The following TTN variants were observed in gnomAD, a reference collection of about 807,000 sequenced individuals.
TTN encodes the protein connectin.
Under a neutral mutation model 3,223.0 loss-of-function variants are expected in TTN, and 1,525 were observed. The observed-to-expected ratio is 0.47, with a 90% confidence interval of 0.45 to 0.49. The LOEUF (loss-of-function observed/expected upper bound fraction) is 0.49, where lower values mean the gene tolerates loss of function less well. TTN is among the 20% of genes least tolerant of loss of function. The pLI, the probability that TTN is intolerant of heterozygous loss-of-function variation, is 0.00. For synonymous variants in TTN, 14,094 were observed against 15,161.0 expected, an observed-to-expected ratio of 0.93 and a Z score of 5.17; for missense variants, 40,786 against 43,424.0, an observed-to-expected ratio of 0.94 and a Z score of 5.40.
Position 178,636,959 on chromosome 2 carries a change from T to C in TTN, c.40928-160A>G, listed in dbSNP as rs897996414. 6.6e-6 allele frequency among the ~76,000 whole-genome samples: 1 copy of C among 151,638 alleles called. No homozygotes were observed. The highest frequency in any genetic ancestry group is 1.5e-5 in the Non-Finnish European group (1 of 67,872). ...GGCCAATTGAGTTTATACTGCCTTGTTTCAGGCAGGAAAATGAGATGGTAT... is the reference window on the plus strand; with the variant it reads ...GGCCAATTGAGTTTATACTGCCTTGCTTCAGGCAGGAAAATGAGATGGTAT... On this transcript the variant is annotated intron_variant, in intron 224 of 362. Transcript: ENST00000589042. This position sits in a 1 kb window ranked among gnomAD's most constrained non-coding sequence, Gnocchi z 4.3.
chr2:178,556,991 G>A lies in TTN; in HGVS notation c.88163C>T (p.Thr29388Ile), dbSNP rs775200192. The A allele has an allele frequency of 1.9e-6, 3 of 1,613,674 alleles. No individual in the cohort carries two copies. In the African/African-American group the frequency reaches 4.0e-5, roughly 22 times the overall value. ...PDGRWTKASFTNVTETQFIIS... is the reference protein window; with the variant it reads ...PDGRWTKASFINVTETQFIIS... ...GATGAATTGAGTTTCAGTAACATTG[G>A]TGAAGCTGGCCTTGGTCCATCTGCC... The change falls in exon 330 of 363, where the codon ACC (threonine) becomes ATC (isoleucine). Residue 29388 changes from threonine to isoleucine, a missense_variant. Thr to Ile is a moderately conservative substitution (Grantham distance 89). Transcript: ENST00000589042.
In TTN at chr2:178,552,086, A is replaced by T. The variant is rs777716014; in HGVS notation, c.90814T>A (p.Trp30272Arg). Reference protein sequence around the residue: ...IEKRETSQTNWKMVCSSVART... With the variant: ...IEKRETSQTNRKMVCSSVART... ...GCAACACTTGAACACACCATCTTCC[A>T]GTTAGTTTGTGAAGTTTCCCGCTTC... Residue 30272 changes from tryptophan (W) to arginine (R), a missense_variant, in exon 335 of 363, where the codon TGG (tryptophan) becomes AGG (arginine). Physicochemically the swap from Trp to Arg is moderately radical, Grantham distance 101. Coordinates refer to ENST00000589042, the MANE Select transcript of TTN (RefSeq NM_001267550.2). 2 of 1,613,728 alleles carry T rather than the reference A, an allele frequency of 1.2e-6. No homozygotes were observed.
Position 178,604,157 on chromosome 2 carries a change from G to A in TTN, c.54530C>T (p.Ala18177Val). 1 of 1,612,212 alleles carries A rather than the reference G, an allele frequency of 6.2e-7. No individual in the cohort carries two copies. The highest frequency in any genetic ancestry group is 8.5e-7 in the Non-Finnish European group (1 of 1,178,904). ...CACTAGCATTGATCCTTTGGTGCGT[G>A]CCAAAACTTTTGGTTTTCCTGGAGG... is the stretch of plus-strand genomic sequence containing the variant. ...PGPPGKPKVLARTKGSMLVSW... is the reference protein window; with the variant it reads ...PGPPGKPKVLVRTKGSMLVSW... The change falls in exon 282 of 363, where the codon GCA becomes GTA. Residue 18177 changes from alanine (A) to valine (V), a missense_variant. Transcript: ENST00000589042.
rs766178095 is a variant in TTN, at chr2:178,583,150, C to G, written c.65653G>C (p.Ala21885Pro). ...VKAGTNVCLD[A>P]TVFGKPMPTV... is the part of the protein sequence containing the mutation. ...GGCATCGGTTTACCAAAAACAGTAG[C>G]ATCCAAGCAGACATTAGTTCCAGCT... The change falls in exon 313 of 363, where the codon GCT (alanine) becomes CCT (proline). Residue 21885 changes from alanine to proline, a missense_variant. Physicochemically the swap from Ala to Pro is conservative, Grantham distance 27. Transcript: ENST00000589042. 1.2e-6 allele frequency: 2 copies of G among 1,612,326 alleles called. No homozygotes were observed. The highest frequency in any genetic ancestry group is 2.7e-5 in the African/African-American group (2 of 74,850).
intron 111 of TTN, 81 bp downstream of exon 111, chr2:178,701,039 A>G: frequency 7.6e-7 from 1 of 1,321,106 alleles, no homozygotes; most frequent in Non-Finnish European, 1.1e-6. Context: ...CTAGAGGGCC[A>G]ATGCGTTGTA....
rs1362778188 is a variant in TTN, at chr2:178,532,819, C to T, written c.103796G>A (p.Arg34599Lys). Residue 34599 changes from arginine to lysine, a missense_variant, in exon 358 of 363, where the codon AGA becomes AAA. By Grantham distance (26) the Arg-to-Lys change is conservative. Coordinates refer to ENST00000589042, the MANE Select transcript of TTN (RefSeq NM_001267550.2). ...AGGCATCACATAGAACTGTTCCCAT[C>T]TTGAAAGGCGGATGCGCTTGGGTCG... The part of the protein sequence containing the change: ...QKRPKRIRLS[R>K]WEQFYVMPLP... The T allele has an allele frequency of 6.2e-7, 1 of 1,613,958 alleles. No individual in the cohort carries two copies. The highest frequency in any genetic ancestry group is 1.7e-5 in the Admixed American group (1 of 60,008).
chr2:178,728,395 G>C lies in TTN; in HGVS notation c.19429C>G (p.Gln6477Glu), dbSNP rs368695139. ...SCDAYLRVLDQNIPPSFTKKL... is the reference protein window; with the variant it reads ...SCDAYLRVLDENIPPSFTKKL... ...TTGGTGAATGATGGAGGAATATTTT[G>C]ATCTGTCCAATGCAAACAGCAAAAC... is the stretch of plus-strand genomic sequence containing the variant. The change falls in exon 67 of 363, where the codon CAA becomes GAA. Residue 6477 changes from glutamine to glutamate, a missense_variant and splice_region_variant. Physicochemically the swap from Gln to Glu is conservative, Grantham distance 29. Transcript: ENST00000589042. 8 of 1,597,972 alleles carry C rather than the reference G, an allele frequency of 5.0e-6. No homozygotes were observed. In the African/African-American group the frequency reaches 6.7e-5, roughly 13 times the overall value.
rs776538231 is a variant in TTN at position 178,574,132 on chromosome 2, G to A, written c.72000C>T (p.Ile24000=). The stretch of plus-strand genomic sequence containing the variant: ...TGATGGCACCTGCAGCATTTTTGGC[G>A]ATCACACGGAATTCATATGCAGCAT... ...TEDAAYEFRV[I]AKNAAGAISP... is the part of the protein sequence containing the mutation. The change falls in exon 326 of 363, where the codon ATC becomes ATT. Residue 24000 remains isoleucine, a synonymous_variant. Transcript: ENST00000589042. 27 of 1,613,416 alleles carry A rather than the reference G, an allele frequency of 1.7e-5. No individual in the cohort carries two copies. Among genetic ancestry groups the A allele is most frequent in the Non-Finnish European group, 2.0e-5 (24 of 1,179,632 alleles).
At chr2:178,765,144 C>T (rs1304902673) in intron 41 of TTN, among the ~76,000 whole-genome samples, 1 of 152,158 alleles carries the variant, frequency 6.6e-6, no homozygotes, top group Admixed American at 6.5e-5. Flanking sequence ...TATACAATAA[C>T]TTCCGTGTGC....
intron 47 of TTN, chr2:178,748,327 A>G (rs746551278): frequency 7.4e-6 from 12 of 1,612,838 alleles, no homozygotes; most frequent in South Asian, 6.6e-5. Context: ...CATCAATACT[A>G]CTTTTCTCCA....
chr2:178,767,962 G>A (rs373003020), intron 39 of TTN, 38 bp from the exon 40 acceptor site: 2 of 1,613,940 alleles, frequency 1.2e-6, no homozygotes, highest in African/African-American at 2.7e-5. Flanking sequence ...ACCGTATGGT[G>A]ATTCAGAGGA....
chr2:178,534,787 T>C lies in TTN; in HGVS notation c.101828A>G (p.Glu33943Gly). Residue 33943 changes from glutamate (E) to glycine (G), a missense_variant, in exon 358 of 363, where the codon GAA (glutamate) becomes GGA (glycine). Transcript: ENST00000589042. ...HNIGHFDIRPENIIYQTRRSS... is the reference protein window; with the variant it reads ...HNIGHFDIRPGNIIYQTRRSS... ...TCTTCTGGTTTGGTAAATGATATTTTCTGGTCTAATGTCAAAGTGTCCAAT... is the reference window on the plus strand; with the variant it reads ...TCTTCTGGTTTGGTAAATGATATTTCCTGGTCTAATGTCAAAGTGTCCAAT... 1 of 1,612,810 alleles carries C rather than the reference T, an allele frequency of 6.2e-7. No homozygotes were observed. The highest frequency in any genetic ancestry group is 8.5e-7 in the Non-Finnish European group (1 of 1,179,804).
chr2:178,649,998 C>A, intron 210 of TTN, 104 bp from the exon 211 acceptor site: 1 of 1,396,248 alleles, frequency 7.2e-7, no homozygotes, highest in Non-Finnish European at 9.9e-7. Context: ...TATGTGGGAC[C>A]AAATTCTGTG....
chr2:178,635,434 T>G lies in TTN; in HGVS notation c.41884+6A>C. 1.9e-6 allele frequency: 3 copies of G among 1,605,412 alleles called. No homozygotes were observed. The highest frequency in any genetic ancestry group is 2.5e-6 in the Non-Finnish European group (3 of 1,176,486). ...TATAATTTGAATAAAAGGTAAGATT[T>G]TATACCTCCAAGTGTCAGCTTTGCA... On this transcript the variant is annotated splice_donor_region_variant and intron_variant, in intron 227 of 362. Coordinates refer to ENST00000589042, the MANE Select transcript of TTN (RefSeq NM_001267550.2).
rs1217255349 is a variant in TTN at position 178,802,285 on chromosome 2, T to G, written c.148A>C (p.Thr50Pro). 1.2e-6 allele frequency: 2 copies of G among 1,613,648 alleles called. No homozygotes were observed. Among genetic ancestry groups the G allele is most frequent in the African/African-American group, 2.7e-5 (2 of 74,794 alleles). The change falls in exon 3 of 363, where the codon ACT (threonine) becomes CCT (proline). Residue 50 changes from threonine (T) to proline (P), a missense_variant. Physicochemically the swap from Thr to Pro is conservative, Grantham distance 38 (BLOSUM62 -1). Transcript: ENST00000589042. Reference protein sequence around the residue: ...FRDGQVISTSTLPGVQISFSD... With the variant: ...FRDGQVISTSPLPGVQISFSD... ...AAGGAGATCTGCACGCCGGGCAGAGTGGAAGTGGAAATCACCTGGCCATCC... is the reference window on the plus strand; with the variant it reads ...AAGGAGATCTGCACGCCGGGCAGAGGGGAAGTGGAAATCACCTGGCCATCC...
Position 178,666,837 on chromosome 2 carries a change from T to A in TTN, c.35862A>T (p.Thr11954=). 6.4e-7 allele frequency: 1 copy of A among 1,570,374 alleles called. No individual in the cohort carries two copies. Among genetic ancestry groups the A allele is most frequent in the Non-Finnish European group, 8.6e-7 (1 of 1,157,038 alleles). The stretch of plus-strand genomic sequence containing the variant: ...TCCAACTTGTACCTGTTGGTGATGG[T>A]GTTTTTCTTCTTTTAACAATAGGAG... ...GETPIVKRRK[T]PSPTVPESPR... is the part of the protein sequence containing the mutation. The change falls in exon 163 of 363, where the codon ACA becomes ACT. Residue 11954 remains threonine (T), a synonymous_variant. Coordinates refer to ENST00000589042, the MANE Select transcript of TTN (RefSeq NM_001267550.2).
intron 45 of TTN, among the ~76,000 whole-genome samples, chr2:178,757,202 G>A (rs554116528): frequency 2.0e-5 from 3 of 151,974 alleles, no homozygotes; most frequent in Admixed American, 6.5e-5. Flanking sequence ...AAGTAATACT[G>A]TACTTACTTT....
chr2:178,746,649 C>T, intron 47 of TTN: 1 of 1,613,252 alleles, frequency 6.2e-7, no homozygotes, highest in East Asian at 2.2e-5. Context: ...ATGTACTCTC[C>T]CCCTTCTCCT....
At position 178,713,157 on chromosome 2, in the gene TTN, T is replaced by G. The variant is rs1453136220; in HGVS notation, c.26977A>C (p.Ser8993Arg). Reference protein sequence around the residue: ...LTVNMLEESDSGDYTCIATNM... With the variant: ...LTVNMLEESDRGDYTCIATNM... The stretch of plus-strand genomic sequence containing the variant: ...GTAGCTATACATGTGTAGTCACCAC[T>G]GTCTGATTCTTCCAGCATGTTCACA... The change falls in exon 93 of 363, where the codon AGT becomes CGT. Residue 8993 changes from serine to arginine, a missense_variant. By Grantham distance (110) the Ser-to-Arg change is moderately radical. Coordinates refer to ENST00000589042, the MANE Select transcript of TTN (RefSeq NM_001267550.2). The G allele has an allele frequency of 1.2e-6, 2 of 1,613,786 alleles. No homozygotes were observed. The highest frequency in any genetic ancestry group is 1.7e-6 in the Non-Finnish European group (2 of 1,179,756).
Sources: allele counts gnomAD v4.1 joint callset (sites outside exome capture counted in the v4.1 genomes callset), GRCh38; gene constraint gnomAD v4.1.1; non-coding constraint Gnocchi (gnomAD v3.1); transcripts MANE v1.5; gene names NCBI Gene and HGNC (gene_info 2026-07-23, HGNC 2026-07-21).